The following SMIM14 variants were observed in gnomAD, a reference collection of about 807,000 sequenced individuals.
SMIM14 encodes small integral membrane protein 14, also known as chromosome 4 open reading frame 34.
In SMIM14, 5 loss-of-function variants were observed where a neutral mutation model predicts 12.6. The ratio of observed to expected loss-of-function variants is 0.40; its 90% CI spans 0.21 to 0.83. The LOEUF is 0.83. Ranked by LOEUF, SMIM14 falls within the 40% of genes least tolerant of loss-of-function variation. The pLI, the probability that SMIM14 is intolerant of heterozygous loss-of-function variation, is 0.37. For missense variants in SMIM14, 86 were observed against 119.1 expected (o/e 0.72, Z 1.29); for synonymous variants, 30 against 40.1 (o/e 0.75, Z 0.95).
chr4:39,633,672 C>G (rs1355380302), intron 1 of SMIM14, among the ~76,000 whole-genome samples: 1 of 152,080 alleles, frequency 6.6e-6, no homozygotes, highest in Non-Finnish European at 1.5e-5. Flanking sequence ...GTGGGAGAAT[C>G]GCATGAGCCC....
At chr4:39,621,409 T>G (rs947735942) in intron 1 of SMIM14, among the ~76,000 whole-genome samples, 1 of 152,142 alleles carries the variant, frequency 6.6e-6, no homozygotes, top group African/African-American at 2.4e-5. Flanking sequence ...ACCAATTCTT[T>G]AGTAAGATGG....
chr4:39,604,941 T>C lies in SMIM14; in HGVS notation c.75+130A>G, dbSNP rs374704861. 7.8e-6 allele frequency: 5 copies of C among 642,932 alleles called. No individual in the cohort carries two copies. The African/African-American group carries it at 9.6e-5, about 12-fold the overall frequency. The allele number at this position is 642,932 out of a possible 1,614,324, so 39.8% of individuals were successfully genotyped here. ...TTAATCATTACAACTTAAACAAATG[T>C]GGAATTTCAATTATGAAATACTCTT... is the stretch of plus-strand genomic sequence containing the variant. On this transcript the variant is annotated intron_variant, in intron 2 of 4. Coordinates refer to ENST00000295958, the MANE Select transcript of SMIM14 (RefSeq NM_174921.3).
At chr4:39,610,192 G>A (rs568342631) in intron 1 of SMIM14, among the ~76,000 whole-genome samples, 6 of 152,052 alleles carry the variant, frequency 3.9e-5, no homozygotes, top group Non-Finnish European at 7.4e-5. Context: ...TCCCTATGTT[G>A]CCCAGGCTGG....
chr4:39,594,339 T>A (rs1210582949), intron 2 of SMIM14: 1 of 152,206 alleles, frequency 6.6e-6, no homozygotes, highest in Non-Finnish European at 1.5e-5. Context: ...CTGGGAAAAC[T>A]GGCTAGCCAT....
chr4:39,599,933 CAAAA>C (rs56285045), intron 2 of SMIM14, among the ~76,000 whole-genome samples: 3 of 115,084 alleles, frequency 2.6e-5, no homozygotes, highest in Non-Finnish European at 3.5e-5. Flanking sequence ...AAAACAACAA[CAAAA>C]AAAAAAAAAA....
In SMIM14 at chr4:39,563,402, GC is replaced by G. The variant is rs569278414; in HGVS notation, c.125-6833del. 8.5e-3 allele frequency among the ~76,000 whole-genome samples: 1,288 copies of G among 152,298 alleles called. 9 individuals are homozygous for G. The highest frequency in any genetic ancestry group is 0.014 in the Non-Finnish European group (931 of 68,024). Reference sequence around the variant, plus strand: ...GCCAAGGATTCCCTGGCCTGGCTATGCATCAGAATAGCCTGTGACAGTATCA... The same window carrying G: ...GCCAAGGATTCCCTGGCCTGGCTATGATCAGAATAGCCTGTGACAGTATCA... On this transcript the variant is annotated intron_variant, in intron 3 of 4. Transcript: ENST00000295958.
intron 1 of SMIM14, among the ~76,000 whole-genome samples, chr4:39,625,217 C>CAAAA (rs555489081): frequency 5.3e-5 from 3 of 56,090 alleles, no homozygotes. Context: ...GACATCATCT[C>CAAAA]AAAAAAAAAA....
At chr4:39,590,242 C>T (rs1294279759) in intron 2 of SMIM14, among the ~76,000 whole-genome samples, 1 of 151,506 alleles carries the variant, frequency 6.6e-6, no homozygotes, top group African/African-American at 2.4e-5. Context: ...GGTGAAATCC[C>T]GTCTCTACTA....
chr4:39,553,898 A>C (rs1711865278), intron 4 of SMIM14, among the ~76,000 whole-genome samples: 1 of 152,036 alleles, frequency 6.6e-6, no homozygotes, highest in Non-Finnish European at 1.5e-5. Flanking sequence ...CTGGTCTATA[A>C]TGCCTTCTTT....
rs28539681 is a variant in SMIM14 at position 39,552,597 on chromosome 4, C to T, written c.268-439G>A. On this transcript the variant is annotated intron_variant, in intron 4 of 4. Coordinates refer to ENST00000295958, the MANE Select transcript of SMIM14 (RefSeq NM_174921.3). Reference sequence around the variant, plus strand: ...TTTGTTTCTCAATACTGAATGTCTACGAGGATGCATGTGGCTGCAGTTGCT... The same window carrying T: ...TTTGTTTCTCAATACTGAATGTCTATGAGGATGCATGTGGCTGCAGTTGCT... 3.1e-3 allele frequency among the ~76,000 whole-genome samples: 478 copies of T among 152,230 alleles called. 3 individuals are homozygous for T. The highest frequency in any genetic ancestry group is 0.011 in the African/African-American group (449 of 41,538).
intron 1 of SMIM14, among the ~76,000 whole-genome samples, chr4:39,625,499 T>C (rs1450675190): frequency 6.6e-6 from 1 of 152,008 alleles, no homozygotes; most frequent in East Asian, 1.9e-4. Flanking sequence ...TGGAGTGCAG[T>C]GGCGCAATCT....
chr4:39,587,702 T>C (rs1486492248), intron 2 of SMIM14, among the ~76,000 whole-genome samples: 5 of 151,864 alleles, frequency 3.3e-5, no homozygotes, highest in Non-Finnish European at 7.4e-5. Context: ...GCCCAGGCTA[T>C]GGTCAAGCCA....
At chr4:39,602,865 A>G (rs1378992085) in intron 2 of SMIM14, among the ~76,000 whole-genome samples, 1 of 152,212 alleles carries the variant, frequency 6.6e-6, no homozygotes, top group Non-Finnish European at 1.5e-5. Flanking sequence ...AGCAACACTA[A>G]GCAAGCAGAA....
intron 3 of SMIM14, among the ~76,000 whole-genome samples, chr4:39,561,758 A>C (rs971258404): frequency 6.6e-6 from 1 of 152,008 alleles, no homozygotes; most frequent in African/African-American, 2.4e-5. Context: ...ATCTCTACCA[A>C]AGCCCATCTC....
At chr4:39,552,761 A>T (rs1393079411) in intron 4 of SMIM14, among the ~76,000 whole-genome samples, 1 of 152,164 alleles carries the variant, frequency 6.6e-6, no homozygotes, top group Admixed American at 6.6e-5. Context: ...TTGACGTGTA[A>T]ATCAATGAAG....
intron 3 of SMIM14, among the ~76,000 whole-genome samples, chr4:39,559,356 T>C (rs1347133938): frequency 6.9e-6 from 1 of 145,566 alleles, no homozygotes; most frequent in Non-Finnish European, 1.5e-5. Flanking sequence ...ACCACTGCAC[T>C]CCAGCCTGGG....
At chr4:39,601,706 G>A (rs1560300149) in intron 2 of SMIM14, among the ~76,000 whole-genome samples, 1 of 152,140 alleles carries the variant, frequency 6.6e-6, no homozygotes, top group Non-Finnish European at 1.5e-5. Flanking sequence ...CAACACTTTG[G>A]GAGGCTAAGG....
intron 2 of SMIM14, among the ~76,000 whole-genome samples, chr4:39,602,000 A>G (rs1714634407): frequency 6.6e-6 from 1 of 151,356 alleles, no homozygotes; most frequent in Non-Finnish European, 1.5e-5. Flanking sequence ...CTGTAATCCC[A>G]GCACTTTGGG....
intron 1 of SMIM14, among the ~76,000 whole-genome samples, chr4:39,635,162 G>A (rs939263535): frequency 6.6e-6 from 1 of 152,166 alleles, no homozygotes; most frequent in Admixed American, 6.6e-5. Context: ...AAGCCCCAGC[G>A]TTCAGCAAAT....
Sources: gnomAD v4.1 joint callset for allele counts (sites outside exome capture counted in the v4.1 genomes callset) on GRCh38, gnomAD v4.1.1 for gene constraint, MANE v1.5 for transcripts, NCBI Gene and HGNC (gene_info 2026-07-23, HGNC 2026-07-21) for gene names.